Variants in ADAMTSL1 observed in about 807,000 individuals in gnomAD.
The protein encoded by ADAMTSL1 is ADAMTS like 1, also known as ADAMTS-like protein 1.
In ADAMTSL1, 126 loss-of-function variants were observed where a neutral mutation model predicts 201.8. That is an observed-to-expected ratio of 0.62 (90% confidence interval 0.54 to 0.72). ADAMTSL1 has a LOEUF of 0.72. ADAMTSL1 is among the 30% of genes least tolerant of loss of function. ADAMTSL1 has a pLI of 0.00. For missense variants in ADAMTSL1, 2,679 were observed against 2,277.8 expected (o/e 1.18, Z -3.59); for synonymous variants, 1,121 against 903.4 (o/e 1.24, Z -4.32).
intron 2 of ADAMTSL1, among the ~76,000 whole-genome samples, chr9:18,458,806 T>A (rs1820703551): frequency 6.6e-6 from 1 of 152,084 alleles, no homozygotes; most frequent in South Asian, 2.1e-4. Flanking sequence ...AACGCCAGAG[T>A]CATGAAATTC....
intron 1 of ADAMTSL1, among the ~76,000 whole-genome samples, chr9:18,110,993 G>A (rs541737579): frequency 1.3e-5 from 2 of 152,278 alleles, no homozygotes; most frequent in African/African-American, 2.4e-5. Flanking sequence ...AGTTTTAGCT[G>A]ATGTAAAACA....
chr9:18,839,218 G>A (rs1330047602), intron 23 of ADAMTSL1, among the ~76,000 whole-genome samples: 1 of 122,416 alleles, frequency 8.2e-6, no homozygotes, highest in African/African-American at 3.3e-5. Flanking sequence ...AGAGTGTAAT[G>A]TTCCCCTTCC....
chr9:18,117,165 T>G (rs770065058), intron 1 of ADAMTSL1, among the ~76,000 whole-genome samples: 4 of 152,164 alleles, frequency 2.6e-5, no homozygotes, highest in Non-Finnish European at 5.9e-5. Flanking sequence ...TTGCTGTAGT[T>G]ATCTCTATAT....
chr9:17,955,825 A>G (rs1249768355), intron 1 of ADAMTSL1, among the ~76,000 whole-genome samples: 1 of 152,190 alleles, frequency 6.6e-6, no homozygotes, highest in African/African-American at 2.4e-5. Flanking sequence ...AACGTAGCGT[A>G]TATAGGGTTT....
rs11793980 is a variant in ADAMTSL1 at position 18,291,757 on chromosome 9, A to T, written c.207+127776A>T. Among the ~76,000 whole-genome samples the T allele has an allele frequency of 5.9e-4, 79 of 133,922 alleles. No homozygotes were observed. In the South Asian group the frequency reaches 0.018, roughly 30 times the overall value. 87.9% of individuals were successfully genotyped at this position (133,922 alleles called of 152,430 possible). ...CTCTCTCTCTCTCTCTCACACACAC[A>T]CACACACACACACACACACACATCC... On this transcript the variant is annotated intron_variant, in intron 2 of 29. Coordinates refer to the ADAMTSL1 transcript ENST00000680146.
At chr9:18,171,833 A>T (rs1396248457) in intron 2 of ADAMTSL1, among the ~76,000 whole-genome samples, 1 of 152,026 alleles carries the variant, frequency 6.6e-6, no homozygotes, top group Admixed American at 6.6e-5. Flanking sequence ...TAAGTCTTTA[A>T]TCCATCTTGA....
At chr9:18,468,464 T>A (rs1821089812) in intron 2 of ADAMTSL1, among the ~76,000 whole-genome samples, 1 of 152,114 alleles carries the variant, frequency 6.6e-6, no homozygotes, top group Admixed American at 6.6e-5. Flanking sequence ...ACCCACCACC[T>A]AGAATGGTAC....
chr9:18,597,309 G>A (rs1365913186), intron 4 of ADAMTSL1, among the ~76,000 whole-genome samples: 1 of 152,210 alleles, frequency 6.6e-6, no homozygotes, highest in East Asian at 1.9e-4. Flanking sequence ...TAGGCTAGGA[G>A]TAATTTGTAA....
chr9:18,174,120 CCACTTGAGG>C (rs1425822063), intron 2 of ADAMTSL1, among the ~76,000 whole-genome samples: 3 of 152,148 alleles, frequency 2.0e-5, no homozygotes, highest in Admixed American at 6.6e-5. Context: ...CCTCAGAAAA[CCACTTGAGG>C]CACCAAAGAA....
intron 13 of ADAMTSL1, among the ~76,000 whole-genome samples, chr9:18,693,655 T>G (rs567202418): frequency 6.6e-6 from 1 of 152,368 alleles, no homozygotes; most frequent in Admixed American, 6.5e-5. Context: ...AATCATAATA[T>G]TAACTCTTAT....
chr9:18,376,365 T>C (rs928289469), intron 2 of ADAMTSL1, among the ~76,000 whole-genome samples: 32 of 151,674 alleles, frequency 2.1e-4, no homozygotes, highest in Non-Finnish European at 5.9e-5. Flanking sequence ...TGGGTGAGGG[T>C]GAGAGGTGAG....
At chr9:18,695,462 G>A (rs922203476) in intron 13 of ADAMTSL1, among the ~76,000 whole-genome samples, 1 of 152,274 alleles carries the variant, frequency 6.6e-6, no homozygotes, top group Non-Finnish European at 1.5e-5. Flanking sequence ...CCAGTTTCAG[G>A]TTATGTCTTT....
At chr9:18,653,236 C>A (rs1427367125) in intron 7 of ADAMTSL1, among the ~76,000 whole-genome samples, 1 of 152,170 alleles carries the variant, frequency 6.6e-6, no homozygotes. Context: ...CCCAATCCTG[C>A]CTCGCTCCCC....
At chr9:18,472,039 T>A (rs540976021), upstream of ADAMTSL1, among the ~76,000 whole-genome samples, 1 of 152,338 alleles carries the variant, frequency 6.6e-6, no homozygotes, top group African/African-American at 2.4e-5. Flanking sequence ...TCCCTTTGGA[T>A]CTGCTTAATG....
At chr9:18,585,339 T>C (rs1478361637) in intron 4 of ADAMTSL1, among the ~76,000 whole-genome samples, 3 of 152,198 alleles carry the variant, frequency 2.0e-5, no homozygotes, top group Admixed American at 6.5e-5. Context: ...GAGTTTGTTT[T>C]CCCAAAGAGA....
intron 1 of ADAMTSL1, among the ~76,000 whole-genome samples, chr9:17,950,063 C>G (rs1827673232): frequency 6.6e-6 from 1 of 151,962 alleles, no homozygotes; most frequent in Non-Finnish European, 1.5e-5. Flanking sequence ...GAATTATAGG[C>G]ATGCACCGCC....
At chr9:18,418,100 G>A (rs1818766723) in intron 2 of ADAMTSL1, among the ~76,000 whole-genome samples, 1 of 152,148 alleles carries the variant, frequency 6.6e-6, no homozygotes, top group Admixed American at 6.6e-5. Context: ...GAAGAAAGAA[G>A]AAGTAAAATT....
At chr9:18,486,262 A>G (rs1048301889) in intron 1 of ADAMTSL1, among the ~76,000 whole-genome samples, 13 of 152,246 alleles carry the variant, frequency 8.5e-5, no homozygotes, top group African/African-American at 2.9e-4. Context: ...CAACCAATGT[A>G]TCTGTATCCT....
At chr9:18,828,789 T>G (rs755732908) in intron 22 of ADAMTSL1, among the ~76,000 whole-genome samples, 2 of 149,802 alleles carry the variant, frequency 1.3e-5, no homozygotes, top group Non-Finnish European at 3.0e-5. Context: ...TCTTTGTCAG[T>G]CAGACAGAAA....
Sources: gnomAD v4.1 joint callset for allele counts (sites outside exome capture counted in the v4.1 genomes callset) on GRCh38, gnomAD v4.1.1 for gene constraint, MANE v1.5 for transcripts, NCBI Gene and HGNC (gene_info 2026-07-23, HGNC 2026-07-21) for gene names.